HCN1: variants seen among roughly 807,000 people sequenced by gnomAD.
The protein encoded by HCN1 is hyperpolarization activated cyclic nucleotide gated potassium channel 1.
In HCN1, 13 loss-of-function variants were observed where a neutral mutation model predicts 78.9. That is an observed-to-expected ratio of 0.16 (90% CI 0.11 to 0.26). HCN1 has a LOEUF of 0.26. HCN1 is among the 10% of genes least tolerant of loss of function. The probability of loss-of-function intolerance (pLI) is 1.00; values close to 1 mark genes in which losing one functional copy is unlikely to be tolerated. For synonymous variants in HCN1, 552 were observed against 455.5 expected (o/e 1.21, Z -2.70); for missense variants, 810 against 1,154.3 (o/e 0.70, Z 4.32).
In HCN1 at chr5:45,428,972, A is replaced by G. The variant is rs191814302; in HGVS notation, c.1012-32262T>C. On this transcript the variant is annotated intron_variant, in intron 3 of 7. Transcript: ENST00000303230. The stretch of plus-strand genomic sequence containing the variant: ...TTCTGTACCCAACTGGAAAATACCT[A>G]GTACAAAATAATAGTAATGTTAGCC... Among the ~76,000 whole-genome samples, 956 of 152,320 alleles carry G rather than the reference A, an allele frequency of 6.3e-3. 3 individuals carry two copies. The highest frequency in any genetic ancestry group is 7.3e-3 in the Non-Finnish European group (499 of 68,016).
chr5:45,632,692 A>T (rs1745289553), intron 2 of HCN1, among the ~76,000 whole-genome samples: 1 of 152,076 alleles, frequency 6.6e-6, no homozygotes, highest in South Asian at 2.1e-4. Context: ...AAACAGTCCT[A>T]CAACTGAAGA....
At chr5:45,496,405 T>C (rs1227787524) in intron 2 of HCN1, among the ~76,000 whole-genome samples, 1 of 151,030 alleles carries the variant, frequency 6.6e-6, no homozygotes, top group African/African-American at 2.4e-5. Flanking sequence ...GTTTGTAGTA[T>C]TCTCTGATGG....
At chr5:45,347,892 G>A (rs1746784281) in intron 5 of HCN1, among the ~76,000 whole-genome samples, 1 of 152,296 alleles carries the variant, frequency 6.6e-6, no homozygotes, top group Non-Finnish European at 1.5e-5. Context: ...CGTCTGATTG[G>A]TGTACCTGAA....
chr5:45,352,835 T>C (rs928718543), intron 5 of HCN1, among the ~76,000 whole-genome samples: 11 of 151,840 alleles, frequency 7.2e-5, no homozygotes, highest in Non-Finnish European at 1.5e-4. Context: ...GGGGACAATA[T>C]AGACAATGAG....
chr5:45,421,034 T>C (rs1740215496), intron 3 of HCN1, among the ~76,000 whole-genome samples: 1 of 152,046 alleles, frequency 6.6e-6, no homozygotes, highest in Non-Finnish European at 1.5e-5. Context: ...CTTCCTTTCT[T>C]TCCTTTCCTT....
intron 4 of HCN1, among the ~76,000 whole-genome samples, chr5:45,372,293 A>G (rs1162011446): frequency 1.1e-5 from 1 of 93,002 alleles, no homozygotes; most frequent in Non-Finnish European, 1.9e-5. Flanking sequence ...TATATATTTC[A>G]TATATAATAT....
intron 2 of HCN1, among the ~76,000 whole-genome samples, chr5:45,640,987 T>C (rs770955414): frequency 1.3e-5 from 2 of 150,876 alleles, no homozygotes; most frequent in Admixed American, 1.3e-4. Flanking sequence ...TGGGTGCAAA[T>C]ATGAAGTGAC....
rs193150107 is a variant in HCN1, at chr5:45,590,128, A to G, written c.849+55057T>C. 2.6e-5 allele frequency among the ~76,000 whole-genome samples: 4 copies of G among 152,300 alleles called. No individual in the cohort carries two copies. The East Asian group carries it at 7.7e-4, about 29-fold the overall frequency. On this transcript the variant is annotated intron_variant, in intron 2 of 7. Transcript: ENST00000303230. ...TTCTAAATCTCAGGGTAGTGTCTGT[A>G]GTTTCAGTTATATTCTAAATGAATT...
chr5:45,268,098 A>G (rs1183167842), intron 6 of HCN1, among the ~76,000 whole-genome samples: 6 of 152,222 alleles, frequency 3.9e-5, no homozygotes, highest in African/African-American at 7.2e-5. Flanking sequence ...AGATATAGGC[A>G]TGTCTAATGT....
chr5:45,355,140 G>C (rs1047547412), intron 4 of HCN1, among the ~76,000 whole-genome samples: 1 of 151,978 alleles, frequency 6.6e-6, no homozygotes, highest in Non-Finnish European at 1.5e-5. Flanking sequence ...TCAACAATAA[G>C]AGAGTATTTG....
chr5:45,353,644 A>G (rs754735918), intron 4 of HCN1, among the ~76,000 whole-genome samples: 1 of 152,000 alleles, frequency 6.6e-6, no homozygotes, highest in Non-Finnish European at 1.5e-5. Flanking sequence ...ATACCTATGG[A>G]TAGTACAATA....
intron 2 of HCN1, among the ~76,000 whole-genome samples, chr5:45,537,990 C>G (rs1267076381): frequency 6.6e-6 from 1 of 150,982 alleles, no homozygotes; most frequent in African/African-American, 2.4e-5. Flanking sequence ...ATTGATTTAA[C>G]AGTCCTAGTA....
intron 2 of HCN1, among the ~76,000 whole-genome samples, chr5:45,549,610 C>T (rs1266933212): frequency 6.6e-6 from 1 of 152,240 alleles, no homozygotes; most frequent in African/African-American, 2.4e-5. Flanking sequence ...GTCTAAAACA[C>T]CAAAAGTAAT....
At position 45,257,502 on chromosome 5, in the gene HCN1, A is replaced by C. The variant is rs1744641089; in HGVS notation, c.*4419T>G. ...TGTAGGTTCTTTTAAGATCATCTTT[A>C]AATAATTTTCAAGGTGGGATGCGGG... On this transcript the variant is annotated 3_prime_UTR_variant, in exon 8 of 8. Transcript: ENST00000303230. 1 of 152,170 alleles carries C rather than the reference A, an allele frequency of 6.6e-6. No homozygotes were observed. The highest frequency in any genetic ancestry group is 2.1e-4 in the South Asian group (1 of 4,828). 9.4% of individuals were successfully genotyped at this position (152,170 alleles called of 1,614,324 possible).
chr5:45,303,924 A>G, intron 5 of HCN1, 85 bp from the exon 6 acceptor site: 1 of 1,152,134 alleles, frequency 8.7e-7, no homozygotes, highest in Non-Finnish European at 1.3e-6. Context: ...AAATATATAC[A>G]GCATAACATT....
chr5:45,388,377 A>C lies in HCN1; in HGVS notation c.1230+8115T>G, dbSNP rs1031243824. 2.6e-5 allele frequency among the ~76,000 whole-genome samples: 4 copies of C among 152,252 alleles called. No individual in the cohort carries two copies. The East Asian group carries it at 7.7e-4, about 29-fold the overall frequency. ...CATCAATAAACCATGAGAAGAAGTA[A>C]TATGCCTGTCCCGCTGTGTTCTCTT... On this transcript the variant is annotated intron_variant, in intron 4 of 7. Transcript: ENST00000303230.
At chr5:45,269,985 A>G (rs1180614891) in intron 6 of HCN1, among the ~76,000 whole-genome samples, 2 of 152,236 alleles carry the variant, frequency 1.3e-5, no homozygotes, top group Non-Finnish European at 1.5e-5. Context: ...AGAATACCTG[A>G]ATAGCACTGG....
At chr5:45,354,091 T>C (rs1441213410) in intron 4 of HCN1, among the ~76,000 whole-genome samples, 1 of 151,752 alleles carries the variant, frequency 6.6e-6, no homozygotes, top group Non-Finnish European at 1.5e-5. Flanking sequence ...CATCCCTGCA[T>C]CCCTGATAGT....
chr5:45,455,295 A>G (rs1741007834), intron 3 of HCN1, among the ~76,000 whole-genome samples: 1 of 152,062 alleles, frequency 6.6e-6, no homozygotes, highest in African/African-American at 2.4e-5. Context: ...AGAGCTCTCA[A>G]TTCAAATTCC....
Sources: allele counts gnomAD v4.1 joint callset (sites outside exome capture counted in the v4.1 genomes callset), GRCh38; gene constraint gnomAD v4.1.1; transcripts MANE v1.5; gene names NCBI Gene and HGNC (gene_info 2026-07-23, HGNC 2026-07-21).